The following ADGRD1 variants were observed in gnomAD, a reference collection of about 807,000 sequenced individuals.
ADGRD1 encodes the protein adhesion G protein-coupled receptor D1.
ADGRD1 carries 77 observed loss-of-function variants against 113.4 expected under a neutral mutation model. The observed-to-expected ratio is 0.68, with a 90% CI of 0.57 to 0.82. The LOEUF is 0.82. ADGRD1 is among the 40% of genes least tolerant of loss of function. ADGRD1 has a pLI of 0.00. For missense variants in ADGRD1, 1,036 were observed against 1,139.1 expected, an observed-to-expected ratio of 0.91 and a Z score of 1.30; for synonymous variants, 474 against 475.0, an observed-to-expected ratio of 1.00 and a Z score of 0.03.
In ADGRD1 at chr12:131,032,756, G is replaced by GACCACTTCATTTGCA. The variant is rs1566048132; in HGVS notation, c.1473+18416_1473+18417insACCACTTCATTTGCA. ...AGAGAAATCGCCACCCCGTCACAGAGGTGACGCTTATTAGAGAAATCGCCA... is the reference window on the plus strand; with the variant it reads ...AGAGAAATCGCCACCCCGTCACAGAGACCACTTCATTTGCAGTGACGCTTATTAGAGAAATCGCCA... On this transcript the variant is annotated intron_variant, in intron 13 of 24. Transcript: ENST00000261654. 6.3e-4 allele frequency among the ~76,000 whole-genome samples: 76 copies of GACCACTTCATTTGCA among 120,756 alleles called. 1 individual carries two copies. The highest frequency in any genetic ancestry group is 7.3e-4 in the Admixed American group (9 of 12,268). 79.2% of individuals were successfully genotyped at this position (120,756 alleles called of 152,430 possible).
intron 21 of ADGRD1, among the ~76,000 whole-genome samples, chr12:131,133,361 C>A (rs1362011457): frequency 6.6e-6 from 1 of 152,252 alleles, no homozygotes; most frequent in Non-Finnish European, 1.5e-5. Context: ...CCCCACTGCG[C>A]CCCATCCTCC....
rs1873805698 is a variant in ADGRD1 at position 130,987,200 on chromosome 12, G to GT, written c.597dup (p.Asp200Ter). On this transcript the variant is annotated frameshift_variant, in exon 6 of 25. Coordinates refer to ENST00000261654, the MANE Select transcript of ADGRD1 (RefSeq NM_198827.5). LOFTEE classifies it high-confidence loss of function. ...TCTGATCCGAGTGGAAAAGTGTCTC[G>GT]TGACTATGGAGAGTCCAACGTCAAC... 2 of 1,614,100 alleles carry GT rather than the reference G, an allele frequency of 1.2e-6. No individual in the cohort carries two copies. Among genetic ancestry groups the GT allele is most frequent in the South Asian group, 2.2e-5 (2 of 91,092 alleles).
chr12:131,130,556 C>G (rs1395588450), intron 20 of ADGRD1, among the ~76,000 whole-genome samples: 1 of 152,178 alleles, frequency 6.6e-6, no homozygotes, highest in South Asian at 2.1e-4. Context: ...TCGGGAGCTG[C>G]GCGAGGAGGA....
intron 4 of ADGRD1, chr12:130,977,362 A>G (rs113107646): frequency 0.025 from 3,764 of 152,420 alleles, 70 homozygotes; most frequent in African/African-American, 0.058. Flanking sequence ...GGAAGCGATT[A>G]GAGTGGGGCT....
At chr12:130,963,685 G>A (rs1056317679) in intron 2 of ADGRD1, among the ~76,000 whole-genome samples, 12 of 151,624 alleles carry the variant, frequency 7.9e-5, no homozygotes, top group African/African-American at 2.7e-4. Flanking sequence ...TTTAGCCAGC[G>A]CTCTGTAGAT....
intron 20 of ADGRD1, 46 bp from the exon 21 acceptor site, chr12:131,131,679 G>A (rs1566139248): frequency 1.5e-6 from 2 of 1,365,522 alleles, no homozygotes; most frequent in African/African-American, 1.4e-5. Context: ...TCTCCTGCAG[G>A]TGCAGCCCAG....
intron 13 of ADGRD1, among the ~76,000 whole-genome samples, chr12:131,054,677 C>T (rs529410527): frequency 9.8e-5 from 15 of 152,306 alleles, no homozygotes; most frequent in South Asian, 2.1e-4. Flanking sequence ...GCTGAGAACT[C>T]GAGGGGCCCT....
At chr12:131,055,133 T>C (rs1049095521) in intron 13 of ADGRD1, among the ~76,000 whole-genome samples, 1 of 152,212 alleles carries the variant, frequency 6.6e-6, no homozygotes, top group Non-Finnish European at 1.5e-5. Context: ...GGAAAAATTA[T>C]GGAAGATTTT....
chr12:131,054,931 G>A (rs550866021), intron 13 of ADGRD1, among the ~76,000 whole-genome samples: 1 of 152,318 alleles, frequency 6.6e-6, no homozygotes, highest in East Asian at 1.9e-4. Context: ...ACTCACCTTA[G>A]GTTTCAGTTG....
At chr12:131,015,509 G>C (rs761528293) in intron 13 of ADGRD1, among the ~76,000 whole-genome samples, 1 of 151,574 alleles carries the variant, frequency 6.6e-6, no homozygotes, top group Non-Finnish European at 1.5e-5. Context: ...GACTGGAGAT[G>C]ATGGAGATAG....
At chr12:130,996,556 C>T (rs535625626) in intron 8 of ADGRD1, among the ~76,000 whole-genome samples, 6,254 of 117,624 alleles carry the variant, frequency 0.053, 270 homozygotes, top group Non-Finnish European at 0.076. Context: ...CCCTCCCGGA[C>T]GGGGCGGCTG....
rs546154921 is a variant in ADGRD1, at chr12:130,971,342, TTAGA to T, written c.188-113_188-110del. 62 of 546,986 alleles carry T rather than the reference TTAGA, an allele frequency of 1.1e-4. No individual in the cohort carries two copies. Among genetic ancestry groups the T allele is most frequent in the African/African-American group, 8.9e-4 (46 of 51,722 alleles). The allele number at this position is 546,986 out of a possible 1,614,324, so 33.9% of individuals were successfully genotyped here. ...AATATATGATGTTATAAATATATAC[TTAGA>T]TAAATAATAATGCATACTTACACAT... On this transcript the variant is annotated intron_variant, in intron 3 of 24. Transcript: ENST00000261654. This position sits in a 1 kb window ranked among gnomAD's most constrained non-coding sequence, Gnocchi z 4.2.
At chr12:131,029,288 A>C (rs1053884098) in intron 13 of ADGRD1, among the ~76,000 whole-genome samples, 1 of 152,234 alleles carries the variant, frequency 6.6e-6, no homozygotes, top group African/African-American at 2.4e-5. Flanking sequence ...CTGCAGTGCG[A>C]ATCCGTTCCC....
intron 13 of ADGRD1, among the ~76,000 whole-genome samples, chr12:131,054,703 C>G (rs549197617): frequency 6.9e-4 from 105 of 152,312 alleles, no homozygotes; most frequent in African/African-American, 2.4e-3. Context: ...CCATGCAGCT[C>G]TCTCCTCTCC....
At chr12:131,121,482 G>T (rs1418361795) in intron 20 of ADGRD1, among the ~76,000 whole-genome samples, 1 of 152,160 alleles carries the variant, frequency 6.6e-6, no homozygotes, top group Non-Finnish European at 1.5e-5. Context: ...CTGGGTTCAG[G>T]CGATTCTCCT....
intron 14 of ADGRD1, among the ~76,000 whole-genome samples, chr12:131,081,890 A>T (rs558282470): frequency 2.0e-4 from 30 of 152,274 alleles, no homozygotes; most frequent in African/African-American, 7.0e-4. Context: ...TTGGGCTTAG[A>T]ATTCTGGGCC....
chr12:131,120,561 C>T (rs1950569114), intron 19 of ADGRD1: 12 of 515,356 alleles, frequency 2.3e-5, no homozygotes, highest in Non-Finnish European at 3.5e-5. Context: ...AAAGCCAGTC[C>T]CCAGCAAAGG....
chr12:131,015,465 T>A (rs111205255), intron 13 of ADGRD1, among the ~76,000 whole-genome samples: 9,733 of 121,746 alleles, frequency 0.08, 1,086 homozygotes, highest in African/African-American at 0.26. Flanking sequence ...ACTGGAGATG[T>A]TGGAGATAGA....
chr12:130,959,810 T>C, intron 2 of ADGRD1, among the ~76,000 whole-genome samples: 1 of 152,202 alleles, frequency 6.6e-6, no homozygotes, highest in Non-Finnish European at 1.5e-5. Context: ...CAACTTGAAA[T>C]CATTTTAAGC....
Sources: allele counts gnomAD v4.1 joint callset (sites outside exome capture counted in the v4.1 genomes callset), GRCh38; gene constraint gnomAD v4.1.1; non-coding constraint Gnocchi (gnomAD v3.1); transcripts MANE v1.5; gene names NCBI Gene and HGNC (gene_info 2026-07-23, HGNC 2026-07-21).